Variants in CDH4 observed in about 807,000 individuals in gnomAD.
The protein encoded by CDH4 is cadherin 4.
A neutral mutation model predicts 86.0 loss-of-function variants in CDH4; 33 were observed. That is an observed-to-expected ratio of 0.38 (90% confidence interval 0.29 to 0.51). The LOEUF (loss-of-function observed/expected upper bound fraction) is 0.51. CDH4 is among the 20% of genes least tolerant of loss of function. The pLI is 0.86. For synonymous variants in CDH4, 555 were observed against 549.4 expected (o/e 1.01, Z -0.14); for missense variants, 1,114 against 1,307.4 (o/e 0.85, Z 2.28).
intron 2 of CDH4, among the ~76,000 whole-genome samples, chr20:61,635,536 G>A (rs2086937510): frequency 6.6e-6 from 1 of 152,186 alleles, no homozygotes; most frequent in Non-Finnish European, 1.5e-5. Context: ...TCCCCTCCAT[G>A]TTCTGTTTGA....
intron 9 of CDH4, among the ~76,000 whole-genome samples, chr20:61,915,019 C>T (rs867885736): frequency 3.9e-5 from 6 of 152,176 alleles, no homozygotes; most frequent in Admixed American, 6.5e-5. Context: ...GCTACAGTGA[C>T]GTTGGGCACC....
intron 2 of CDH4, among the ~76,000 whole-genome samples, chr20:61,577,556 A>G (rs1288825932): frequency 6.6e-6 from 1 of 152,216 alleles, no homozygotes; most frequent in Non-Finnish European, 1.5e-5. Context: ...AAAAGACTCA[A>G]TCATGGTCCA....
intron 2 of CDH4, among the ~76,000 whole-genome samples, chr20:61,284,589 T>C (rs1048429854): frequency 6.6e-6 from 1 of 152,238 alleles, no homozygotes; most frequent in African/African-American, 2.4e-5. Context: ...GCCCAACACA[T>C]ACTTATAACA....
chr20:61,468,044 C>G (rs1015514673), intron 2 of CDH4, among the ~76,000 whole-genome samples: 1 of 152,220 alleles, frequency 6.6e-6, no homozygotes, highest in African/African-American at 2.4e-5. Context: ...CAGGGTGTGG[C>G]AGTGTATGTG....
intron 2 of CDH4, among the ~76,000 whole-genome samples, chr20:61,678,457 AC>A (rs1372045371): frequency 2.6e-5 from 4 of 152,240 alleles, no homozygotes; most frequent in Non-Finnish European, 5.9e-5. Context: ...AAAGCTATCA[AC>A]AAGGTCACAG....
intron 4 of CDH4, among the ~76,000 whole-genome samples, chr20:61,790,103 AC>A (rs1272802180): frequency 6.6e-6 from 1 of 151,796 alleles, no homozygotes; most frequent in Non-Finnish European, 1.5e-5. Context: ...CCACACTTCT[AC>A]CTACCCATCC....
intron 2 of CDH4, among the ~76,000 whole-genome samples, chr20:61,310,478 G>T (rs936833399): frequency 6.6e-6 from 1 of 152,140 alleles, no homozygotes; most frequent in African/African-American, 2.4e-5. Flanking sequence ...CGTGCACCTT[G>T]GATCCCTCCC....
At position 61,373,609 on chromosome 20, in the gene CDH4, C is replaced by T. The variant is rs548203308; in HGVS notation, c.169+118672C>T. On this transcript the variant is annotated intron_variant, in intron 2 of 15. Coordinates refer to ENST00000614565, the MANE Select transcript of CDH4 (RefSeq NM_001794.5). ...TGCTGCATCCACCCTCCCAGCAAAA[C>T]GGGATTAGAACCTGGGGAATATGCG... is the stretch of plus-strand genomic sequence containing the variant. Among the ~76,000 whole-genome samples, 6 of 152,230 alleles carry T rather than the reference C, an allele frequency of 3.9e-5. No individual in the cohort carries two copies. In the East Asian group the frequency reaches 5.8e-4, roughly 15 times the overall value.
chr20:61,686,399 ACGTGTGTATGTGCCTGTACATTTG>A (rs1340892349), intron 2 of CDH4, among the ~76,000 whole-genome samples: 9 of 148,648 alleles, frequency 6.1e-5, no homozygotes, highest in Non-Finnish European at 3.0e-5. Flanking sequence ...GTGTGCATTC[ACGTGTGTATGTGCCTGTACATTTG>A]CGTGTGTATG....
chr20:61,789,485 C>A (rs1009826265), intron 4 of CDH4, among the ~76,000 whole-genome samples: 1 of 152,186 alleles, frequency 6.6e-6, no homozygotes, highest in African/African-American at 2.4e-5. Flanking sequence ...AGCAGTCACA[C>A]CCTGCCTGCC....
At chr20:61,910,394 T>G (rs377409847) in intron 8 of CDH4, 28 bp from the exon 9 acceptor site, 150 of 1,604,600 alleles carry the variant, frequency 9.3e-5, no homozygotes, top group Non-Finnish European at 1.2e-4. Context: ...AACACGGGTT[T>G]GTGACATTCT....
chr20:61,636,755 G>A (rs1022248739), intron 2 of CDH4, among the ~76,000 whole-genome samples: 7 of 152,224 alleles, frequency 4.6e-5, no homozygotes, highest in Admixed American at 6.5e-5. Flanking sequence ...GAGTCGCTCC[G>A]TCACTGTGAA....
chr20:61,267,873 G>T (rs916781344), intron 2 of CDH4, among the ~76,000 whole-genome samples: 8 of 152,174 alleles, frequency 5.3e-5, no homozygotes, highest in African/African-American at 1.7e-4. Flanking sequence ...ATTTCTGGCT[G>T]CAGGAGTCTC....
chr20:61,926,879 GAAAA>G (rs201937796), intron 11 of CDH4, among the ~76,000 whole-genome samples: 1 of 151,638 alleles, frequency 6.6e-6, no homozygotes, highest in African/African-American at 2.4e-5. Flanking sequence ...TCTCAAAAAA[GAAAA>G]AAAAGAAAGA....
At chr20:61,548,985 G>C (rs184105765) in intron 2 of CDH4, among the ~76,000 whole-genome samples, 77 of 152,196 alleles carry the variant, frequency 5.1e-4, no homozygotes, top group Non-Finnish European at 5.6e-4. Flanking sequence ...TCGGGTCTCG[G>C]GGGGAGAGGC....
intron 2 of CDH4, among the ~76,000 whole-genome samples, chr20:61,573,715 AGCAAGAGGAAGGGGC>A (rs1320942430): frequency 1.2e-4 from 18 of 152,226 alleles, no homozygotes; most frequent in African/African-American, 4.3e-4. Flanking sequence ...TGCCATTCCT[AGCAAGAGGAAGGGGC>A]AACAGCCGAT....
At chr20:61,806,909 G>A (rs1980169643) in intron 4 of CDH4, among the ~76,000 whole-genome samples, 1 of 152,186 alleles carries the variant, frequency 6.6e-6, no homozygotes, top group Non-Finnish European at 1.5e-5. Flanking sequence ...TGGAGGACCT[G>A]GGTAAGAGCC....
At chr20:61,761,300 C>T (rs564410414) in intron 3 of CDH4, among the ~76,000 whole-genome samples, 21 of 152,232 alleles carry the variant, frequency 1.4e-4, no homozygotes, top group East Asian at 3.9e-4. Context: ...AGGAAGACTG[C>T]GAATCAGAGA....
chr20:61,398,893 G>C (rs1476618494), intron 2 of CDH4, among the ~76,000 whole-genome samples: 2 of 152,186 alleles, frequency 1.3e-5, no homozygotes, highest in Non-Finnish European at 2.9e-5. Context: ...GTCAGACCCC[G>C]GCCACAGCCC....
Sources: allele counts gnomAD v4.1 joint callset (sites outside exome capture counted in the v4.1 genomes callset), GRCh38; gene constraint gnomAD v4.1.1; transcripts MANE v1.5; gene names NCBI Gene and HGNC (gene_info 2026-07-23, HGNC 2026-07-21).